Variants in TGFB2 observed in about 807,000 individuals in gnomAD.
TGFB2 encodes the protein transforming growth factor beta-2 proprotein.
In TGFB2, 13 loss-of-function variants were observed where a neutral mutation model predicts 42.7. The ratio of observed to expected loss-of-function variants is 0.30; its 90% CI spans 0.20 to 0.48. TGFB2 has a LOEUF of 0.48. TGFB2 is among the 20% of genes least tolerant of loss of function. The pLI, the probability that TGFB2 is intolerant of heterozygous loss-of-function variation, is 0.99. For synonymous variants in TGFB2, 193 were observed against 193.6 expected, an observed-to-expected ratio of 1.00 and a Z score of 0.03; for missense variants, 390 against 517.5, an observed-to-expected ratio of 0.75 and a Z score of 2.39.
chr1:218,421,379 T>G (rs935383263), intron 2 of TGFB2, among the ~76,000 whole-genome samples: 9 of 151,264 alleles, frequency 5.9e-5, no homozygotes, highest in African/African-American at 2.4e-5. Context: ...AGCAGTTTTT[T>G]TTTTTTTTTA....
chr1:218,348,752 A>G (rs1656774017), intron 1 of TGFB2, among the ~76,000 whole-genome samples: 1 of 152,234 alleles, frequency 6.6e-6, no homozygotes, highest in Admixed American at 6.5e-5. Flanking sequence ...TGCTTTCTCT[A>G]GCATGTGCAT....
rs1304408215 is a variant in TGFB2, at chr1:218,352,258, C to CGGAG, written c.346+5212_346+5215dup. On this transcript the variant is annotated intron_variant, in intron 1 of 6. Transcript: ENST00000366930. The stretch of plus-strand genomic sequence containing the variant: ...AGCATTTCCGGTACTGATGGGCTCC[C>CGGAG]GGAGAGAGGATTTGGATTTGCCAGA... Among the ~76,000 whole-genome samples the CGGAG allele has an allele frequency of 3.3e-5, 5 of 152,136 alleles. No individual in the cohort carries two copies. The East Asian group carries it at 9.7e-4, about 29-fold the overall frequency.
At chr1:218,364,800 T>G (rs954155587) in intron 1 of TGFB2, among the ~76,000 whole-genome samples, 13 of 152,170 alleles carry the variant, frequency 8.5e-5, no homozygotes, top group African/African-American at 3.1e-4. Context: ...AGCCTCAAAG[T>G]GGCTACAAGC....
chr1:218,358,674 G>A (rs1053137740), intron 1 of TGFB2, among the ~76,000 whole-genome samples: 9 of 150,610 alleles, frequency 6.0e-5, no homozygotes, highest in East Asian at 5.9e-4. Context: ...TCAGCCTCCC[G>A]AGTAGCTGGG....
intron 1 of TGFB2, among the ~76,000 whole-genome samples, chr1:218,394,083 G>T (rs1658410721): frequency 6.6e-6 from 1 of 151,696 alleles, no homozygotes; most frequent in Admixed American, 6.6e-5. Context: ...ATTTTTTTTT[G>T]TATTTTTAGT....
intron 1 of TGFB2, among the ~76,000 whole-genome samples, chr1:218,379,850 C>A (rs1202527548): frequency 1.3e-5 from 2 of 152,154 alleles, no homozygotes; most frequent in Non-Finnish European, 2.9e-5. Flanking sequence ...CATTTAACTT[C>A]TTTTACTTAC....
At chr1:218,414,297 G>A (rs1470039942) in intron 2 of TGFB2, among the ~76,000 whole-genome samples, 2 of 151,992 alleles carry the variant, frequency 1.3e-5, no homozygotes, top group Non-Finnish European at 2.9e-5. Context: ...GCCCAAGAGG[G>A]TGTAAAATAA....
intron 6 of TGFB2, among the ~76,000 whole-genome samples, chr1:218,439,873 C>A (rs990388656): frequency 6.6e-6 from 1 of 152,200 alleles, no homozygotes; most frequent in Admixed American, 6.5e-5. Context: ...TGGACAGTTA[C>A]CCAAGAAGCC....
chr1:218,347,007 G>A lies in TGFB2; in HGVS notation c.306G>A (p.Glu102=), dbSNP rs754502128. 8 of 1,609,042 alleles carry A rather than the reference G, an allele frequency of 5.0e-6. No individual in the cohort carries two copies. Among genetic ancestry groups the A allele is most frequent in the African/African-American group, 4.0e-5 (3 of 74,818 alleles). Residue 102 remains glutamate (E), a synonymous_variant, in exon 1 of 7, where the codon GAG becomes GAA. Transcript: ENST00000366930. Reference sequence around the variant, plus strand: ...GCGACGAAGAGTACTACGCCAAGGAGGTTTACAAAATAGACATGCCGCCCT... The same window carrying A: ...GCGACGAAGAGTACTACGCCAAGGAAGTTTACAAAATAGACATGCCGCCCT... ...ERSDEEYYAK[E]VYKIDMPPFF...
intron 2 of TGFB2, among the ~76,000 whole-genome samples, chr1:218,426,573 G>A (rs927019301): frequency 6.6e-6 from 1 of 152,198 alleles, no homozygotes; most frequent in African/African-American, 2.4e-5. Flanking sequence ...TTATATATCA[G>A]TAATGTAATG....
intron 2 of TGFB2, among the ~76,000 whole-genome samples, chr1:218,422,512 C>T (rs916891568): frequency 7.2e-5 from 11 of 152,288 alleles, no homozygotes; most frequent in Middle Eastern, 3.4e-3. Flanking sequence ...TGAGGCACCA[C>T]GCCTGGCCTT....
Position 218,405,872 on chromosome 1 carries a change from G to A in TGFB2, c.510+540G>A, listed in dbSNP as rs78468620. Among the ~76,000 whole-genome samples, 339 of 152,192 alleles carry A rather than the reference G, an allele frequency of 2.2e-3. 1 individual carries two copies. The highest frequency in any genetic ancestry group is 6.3e-3 in the African/African-American group (260 of 41,546). ...CTTTAGAATGCAGTATTGAAGCTCT[G>A]AGCACACTTCCTCAGTTGCATGAAC... On this transcript the variant is annotated intron_variant, in intron 2 of 6. Coordinates refer to ENST00000366930, the MANE Select transcript of TGFB2 (RefSeq NM_003238.6).
intron 1 of TGFB2, among the ~76,000 whole-genome samples, chr1:218,400,292 C>T (rs1024943971): frequency 8.6e-5 from 13 of 151,942 alleles, no homozygotes; most frequent in Non-Finnish European, 5.9e-5. Context: ...TGGTCTCCCT[C>T]TCTCTGTCTC....
chr1:218,392,115 G>C (rs1030937440), intron 1 of TGFB2, among the ~76,000 whole-genome samples: 1 of 152,188 alleles, frequency 6.6e-6, no homozygotes, highest in Non-Finnish European at 1.5e-5. Flanking sequence ...ACTTTGGGAG[G>C]CCAAGGTGGG....
intron 1 of TGFB2, among the ~76,000 whole-genome samples, chr1:218,403,549 TAAG>T (rs773585848): frequency 6.6e-6 from 1 of 152,196 alleles, no homozygotes; most frequent in Non-Finnish European, 1.5e-5. Context: ...ATTTATTTAA[TAAG>T]AAGTTAGTGT....
chr1:218,420,770 G>A (rs1659429725), intron 2 of TGFB2, among the ~76,000 whole-genome samples: 1 of 152,148 alleles, frequency 6.6e-6, no homozygotes. Context: ...ATATCAATGT[G>A]TAATACTCTG....
chr1:218,404,993 CAT>C (rs978053605), intron 1 of TGFB2, among the ~76,000 whole-genome samples, 174 bp from the exon 2 acceptor site: 18 of 152,280 alleles, frequency 1.2e-4, no homozygotes, highest in Admixed American at 8.5e-4. Flanking sequence ...ACTAAATGCA[CAT>C]GTTTATTTTA....
At position 218,347,164 on chromosome 1, in the gene TGFB2, G is replaced by C. The variant is rs11466368; in HGVS notation, c.346+117G>C. On this transcript the variant is annotated intron_variant, in intron 1 of 6. Coordinates refer to ENST00000366930, the MANE Select transcript of TGFB2 (RefSeq NM_003238.6). ...CGCGGTTCCCGTTCGCTCTTTTCCCGTTCTCCTGTCCTTCACCCCACCACC... is the reference window on the plus strand; with the variant it reads ...CGCGGTTCCCGTTCGCTCTTTTCCCCTTCTCCTGTCCTTCACCCCACCACC... 6.3e-4 allele frequency: 562 copies of C among 897,770 alleles called. 4 individuals are homozygous for C. Among genetic ancestry groups the C allele is most frequent in the South Asian group, 2.5e-3 (154 of 61,868 alleles). The allele number at this position is 897,770 out of a possible 1,614,324, so 55.6% of individuals were successfully genotyped here. A position where few individuals can be genotyped will look rare whatever the true frequency, so the allele number is the denominator to read the frequency against.
intron 1 of TGFB2, among the ~76,000 whole-genome samples, chr1:218,381,092 G>A (rs1209731206): frequency 6.6e-6 from 1 of 152,096 alleles, no homozygotes; most frequent in Non-Finnish European, 1.5e-5. Context: ...GCATCAAGCC[G>A]AACCCCAACA....
Sources: allele counts gnomAD v4.1 joint callset (sites outside exome capture counted in the v4.1 genomes callset), GRCh38; gene constraint gnomAD v4.1.1; transcripts MANE v1.5; gene names NCBI Gene and HGNC (gene_info 2026-07-23, HGNC 2026-07-21).